The following ST7 variants were observed in gnomAD, a reference collection of about 807,000 sequenced individuals.
ST7 encodes the protein suppression of tumorigenicity 7, also known as suppressor of tumorigenicity 7 protein.
A neutral mutation model predicts 78.7 loss-of-function variants in ST7; 28 were observed. The observed-to-expected ratio is 0.36, with a 90% CI of 0.26 to 0.49. The LOEUF (loss-of-function observed/expected upper bound fraction) is 0.49. Among genes scored for constraint, ST7 ranks in the 20% least tolerant of loss-of-function variants. ST7 has a pLI of 0.99. For missense variants in ST7, 418 were observed against 696.0 expected, an observed-to-expected ratio of 0.60 and a Z score of 4.49; for synonymous variants, 247 against 249.6, an observed-to-expected ratio of 0.99 and a Z score of 0.10.
intron 13 of ST7, 120 bp from the exon 14 acceptor site, chr7:117,218,964 A>C (rs1792889195): frequency 1.4e-6 from 1 of 708,278 alleles, no homozygotes; most frequent in South Asian, 1.8e-5. Flanking sequence ...TGGTGGGGTA[A>C]GCCTTGCCTC....
chr7:117,005,497 T>C (rs556519196), intron 1 of ST7, among the ~76,000 whole-genome samples: 1 of 152,286 alleles, frequency 6.6e-6, no homozygotes, highest in South Asian at 2.1e-4. Context: ...ATATTTCCAA[T>C]TTTTACAAAT....
chr7:117,138,502 G>A lies in ST7; in HGVS notation c.933G>A (p.Arg311=). 6.2e-7 allele frequency: 1 copy of A among 1,607,724 alleles called. No individual in the cohort carries two copies. The highest frequency in any genetic ancestry group is 8.5e-7 in the Non-Finnish European group (1 of 1,176,658). Residue 311 remains arginine (R), a synonymous_variant, in exon 9 of 16, where the codon AGG becomes AGA. Coordinates refer to ENST00000323984, the MANE Select transcript of ST7 (RefSeq NM_001369598.1). ...CAATGTGTGCCAGAAGACTCGGGAGGACCAGGGAAGCAGTGAAAATGATGA... is the reference window on the plus strand; with the variant it reads ...CAATGTGTGCCAGAAGACTCGGGAGAACCAGGGAAGCAGTGAAAATGATGA... ...RLAMCARRLG[R]TREAVKMMRD...
intron 1 of ST7, among the ~76,000 whole-genome samples, chr7:117,009,300 G>T (rs1795287562): frequency 8.1e-6 from 1 of 123,556 alleles, no homozygotes; most frequent in Non-Finnish European, 1.7e-5. Flanking sequence ...ACCCACACTA[G>T]TCCATTCATG....
intron 9 of ST7, among the ~76,000 whole-genome samples, chr7:117,141,657 C>G (rs571498790): frequency 6.6e-6 from 1 of 151,764 alleles, no homozygotes; most frequent in East Asian, 2.0e-4. Context: ...TTCTTTCTTT[C>G]TTTTTCTTTT....
At chr7:117,141,345 A>C (rs1429837369) in intron 9 of ST7, among the ~76,000 whole-genome samples, 1 of 152,182 alleles carries the variant, frequency 6.6e-6, no homozygotes, top group Non-Finnish European at 1.5e-5. Context: ...TGTTAATTGA[A>C]AAGAGATTCT....
intron 1 of ST7, among the ~76,000 whole-genome samples, chr7:116,971,892 A>G (rs1793443905): frequency 6.6e-6 from 1 of 152,272 alleles, no homozygotes; most frequent in African/African-American, 2.4e-5. Context: ...AAATGTGTAC[A>G]TCACAATATG....
At chr7:117,110,113 G>T (rs1802310023) in intron 2 of ST7, among the ~76,000 whole-genome samples, 1 of 152,122 alleles carries the variant, frequency 6.6e-6, no homozygotes, top group African/African-American at 2.4e-5. Flanking sequence ...TAGCATATAT[G>T]TTTTGTGGGA....
intron 1 of ST7, among the ~76,000 whole-genome samples, chr7:117,007,400 A>C (rs933017541): frequency 1.4e-4 from 22 of 152,212 alleles, no homozygotes. Context: ...CAGGGGTTCT[A>C]TGAAGGCTGA....
intron 3 of ST7, among the ~76,000 whole-genome samples, chr7:117,124,400 C>T (rs1437890107): frequency 6.6e-6 from 1 of 152,104 alleles, no homozygotes; most frequent in Non-Finnish European, 1.5e-5. Flanking sequence ...TCCAGGGTCA[C>T]ATGGCGGATA....
At chr7:117,088,566 T>G (rs1800336476) in intron 1 of ST7, among the ~76,000 whole-genome samples, 1 of 152,238 alleles carries the variant, frequency 6.6e-6, no homozygotes, top group African/African-American at 2.4e-5. Context: ...ACCCTTTTAT[T>G]AGGTTCCAGC....
In ST7 at chr7:117,190,680, C is replaced by A. The variant is rs60073797; in HGVS notation, c.1152-154C>A. 6.6e-6 allele frequency among the ~76,000 whole-genome samples: 1 copy of A among 152,128 alleles called. No homozygotes were observed. The highest frequency in any genetic ancestry group is 6.5e-5 in the Admixed American group (1 of 15,274). On this transcript the variant is annotated intron_variant, in intron 11 of 15. Transcript: ENST00000323984. This position sits in a 1 kb window ranked among gnomAD's most constrained non-coding sequence, Gnocchi z 5.2. ...GCTGGGGTTTTTGCTGGCCTCGGTC[C>A]GTGGGGTCACTCAGAGGTTCCATGC...
intron 1 of ST7, chr7:117,072,576 C>T (rs1799038385): frequency 6.6e-6 from 1 of 152,074 alleles, no homozygotes; most frequent in African/African-American, 2.4e-5. Context: ...TTTTTTTGGC[C>T]TTAGTCTTTA....
intron 1 of ST7, 55 bp from the exon 2 acceptor site, chr7:117,099,707 T>G: frequency 7.8e-7 from 1 of 1,289,194 alleles, no homozygotes; most frequent in Non-Finnish European, 1.1e-6. Flanking sequence ...CTGGTTTTAC[T>G]GACATACTCA....
chr7:117,210,054 G>T, intron 13 of ST7, 117 bp downstream of exon 13: 1 of 1,253,744 alleles, frequency 8.0e-7, no homozygotes, highest in Non-Finnish European at 1.1e-6. Flanking sequence ...TGTGTTCTGT[G>T]ATGGCCCATC....
intron 1 of ST7, among the ~76,000 whole-genome samples, chr7:117,023,776 A>C (rs1428864046): frequency 4.0e-5 from 1 of 24,908 alleles, no homozygotes; most frequent in Non-Finnish European, 1.4e-4. Flanking sequence ...TCTTAATTTG[A>C]TTATATATAT....
intron 1 of ST7, among the ~76,000 whole-genome samples, chr7:116,983,455 A>G (rs1794050788): frequency 6.6e-6 from 1 of 152,096 alleles, no homozygotes; most frequent in South Asian, 2.1e-4. Flanking sequence ...TTTTGAAACC[A>G]CATGCTGAGC....
intron 1 of ST7, among the ~76,000 whole-genome samples, chr7:117,061,544 G>A (rs750876907): frequency 1.7e-4 from 26 of 152,134 alleles, no homozygotes; most frequent in Admixed American, 2.6e-4. Flanking sequence ...CTGAATCCCA[G>A]TCTCAGTGAT....
intron 1 of ST7, among the ~76,000 whole-genome samples, chr7:116,977,142 G>T (rs1793740402): frequency 6.6e-6 from 1 of 152,170 alleles, no homozygotes; most frequent in Admixed American, 6.5e-5. Flanking sequence ...CCATTAAAAT[G>T]TCTAGACTCT....
chr7:117,146,982 G>T (rs986057537), intron 9 of ST7, among the ~76,000 whole-genome samples: 4 of 152,078 alleles, frequency 2.6e-5, no homozygotes, highest in African/African-American at 9.7e-5. Context: ...AGGAACTTCA[G>T]GAAGATAAAA....
Sources: gnomAD v4.1 joint callset for allele counts (sites outside exome capture counted in the v4.1 genomes callset) on GRCh38, gnomAD v4.1.1 for gene constraint, Gnocchi (gnomAD v3.1) non-coding constraint, MANE v1.5 for transcripts, NCBI Gene and HGNC (gene_info 2026-07-23, HGNC 2026-07-21) for gene names.